The following RUNX2 variants were observed in gnomAD, a reference collection of about 807,000 sequenced individuals.
The protein encoded by RUNX2 is runt-related transcription factor 2.
Under a neutral mutation model 51.7 loss-of-function variants are expected in RUNX2, and 10 were observed. The ratio of observed to expected loss-of-function variants is 0.19; its 90% CI spans 0.12 to 0.33. The LOEUF (loss-of-function observed/expected upper bound fraction) is 0.33. RUNX2 is among the 10% of genes least tolerant of loss of function. The pLI is 1.00. For synonymous variants in RUNX2, 276 were observed against 273.6 expected (o/e 1.01, Z -0.09); for missense variants, 562 against 691.3 (o/e 0.81, Z 2.10).
At chr6:45,453,803 G>GT (rs1799244320) in intron 5 of RUNX2, among the ~76,000 whole-genome samples, 2 of 152,324 alleles carry the variant, frequency 1.3e-5, no homozygotes, top group Admixed American at 1.3e-4. Context: ...ATTTATGAAA[G>GT]TCTACATTGT....
At chr6:45,494,435 G>C (rs1427853549) in intron 6 of RUNX2, among the ~76,000 whole-genome samples, 1 of 152,166 alleles carries the variant, frequency 6.6e-6, no homozygotes, top group African/African-American at 2.4e-5. Flanking sequence ...TAGCTTCTTG[G>C]AATTTTTATG....
chr6:45,525,051 C>A lies in RUNX2; in HGVS notation c.1021+12644C>A, dbSNP rs1417524339. On this transcript the variant is annotated intron_variant, in intron 7 of 8. Transcript: ENST00000647337. Reference sequence around the variant, plus strand: ...GCTTGAACCCGGGAGGTGGAGGTTGCAGTGAGCCAAGATTGCGTAATTGCA... The same window carrying A: ...GCTTGAACCCGGGAGGTGGAGGTTGAAGTGAGCCAAGATTGCGTAATTGCA... Among the ~76,000 whole-genome samples the A allele has an allele frequency of 4.6e-5, 7 of 152,262 alleles. No homozygotes were observed. The East Asian group carries it at 1.4e-3, about 29-fold the overall frequency.
chr6:45,546,814 T>C lies in RUNX2; in HGVS notation c.1088-13T>C. On this transcript the variant is annotated splice_polypyrimidine_tract_variant and intron_variant, in intron 8 of 8. Transcript: ENST00000647337. ...TACAGATTTTTCCCTCCATCTTCTG[T>C]TATAATTTTTAGGTGCTTCAGAACT... 6.3e-7 allele frequency: 1 copy of C among 1,593,450 alleles called. No individual in the cohort carries two copies. The highest frequency in any genetic ancestry group is 8.6e-7 in the Non-Finnish European group (1 of 1,161,262).
intron 6 of RUNX2, among the ~76,000 whole-genome samples, chr6:45,505,617 A>C (rs905895611): frequency 3.9e-5 from 6 of 152,144 alleles, no homozygotes; most frequent in Non-Finnish European, 8.8e-5. Context: ...CCACAGGTTT[A>C]CATAAAGGGT....
intron 2 of RUNX2, among the ~76,000 whole-genome samples, chr6:45,350,634 A>C (rs1463366147): frequency 6.6e-6 from 1 of 152,174 alleles, no homozygotes; most frequent in African/African-American, 2.4e-5. Flanking sequence ...GCAAATAATA[A>C]TTTCTAAAAA....
At chr6:45,423,016 G>A in intron 3 of RUNX2, 59 bp downstream of exon 3, 1 of 1,585,656 alleles carries the variant, frequency 6.3e-7, no homozygotes, top group Non-Finnish European at 8.5e-7. Context: ...GCCCGCCGGT[G>A]TCTTCCTGCC....
At chr6:45,546,363 T>G (rs2150453199) in intron 8 of RUNX2, among the ~76,000 whole-genome samples, 1 of 152,340 alleles carries the variant, frequency 6.6e-6, no homozygotes, top group South Asian at 2.1e-4. Flanking sequence ...TGAAAGAGCC[T>G]ACCAAGAGTA....
chr6:45,526,416 A>T (rs1330686243), intron 7 of RUNX2, among the ~76,000 whole-genome samples: 1 of 152,202 alleles, frequency 6.6e-6, no homozygotes, highest in Non-Finnish European at 1.5e-5. Flanking sequence ...GAGAAATGAG[A>T]ACCTTATAAG....
intron 6 of RUNX2, among the ~76,000 whole-genome samples, chr6:45,506,676 G>A (rs1419581171): frequency 6.6e-6 from 1 of 152,112 alleles, no homozygotes; most frequent in Non-Finnish European, 1.5e-5. Context: ...TTGTTGTTGA[G>A]ACAAAGTCTC....
rs578019529 is a variant in RUNX2, at chr6:45,541,735, C to T, written c.1022-3482C>T. ...CCTTCCTTTTTTCTGCCCTGACCTGCCTGCTCTGCTGGGATGTGTGAATGT... is the reference window on the plus strand; with the variant it reads ...CCTTCCTTTTTTCTGCCCTGACCTGTCTGCTCTGCTGGGATGTGTGAATGT... On this transcript the variant is annotated intron_variant, in intron 7 of 8. Transcript: ENST00000647337. Among the ~76,000 whole-genome samples, 116 of 152,292 alleles carry T rather than the reference C, an allele frequency of 7.6e-4. 1 individual carries two copies. The South Asian group carries it at 0.011, about 15-fold the overall frequency.
chr6:45,414,309 C>T (rs1169146823), intron 2 of RUNX2, among the ~76,000 whole-genome samples: 1 of 152,152 alleles, frequency 6.6e-6, no homozygotes, highest in East Asian at 1.9e-4. Flanking sequence ...TGTAGCCAAG[C>T]CAACTTCACT....
chr6:45,410,119 T>C (rs1358471998), intron 2 of RUNX2, among the ~76,000 whole-genome samples: 1 of 152,182 alleles, frequency 6.6e-6, no homozygotes, highest in Non-Finnish European at 1.5e-5. Flanking sequence ...GGCCAGGACA[T>C]GAAGGGGTTT....
intron 2 of RUNX2, among the ~76,000 whole-genome samples, chr6:45,410,826 G>T (rs1302934832): frequency 6.6e-6 from 1 of 152,160 alleles, no homozygotes; most frequent in East Asian, 1.9e-4. Context: ...TTGGCATATT[G>T]GACATGCTGA....
chr6:45,367,600 A>G (rs1227916252), intron 2 of RUNX2, among the ~76,000 whole-genome samples: 1 of 152,166 alleles, frequency 6.6e-6, no homozygotes, highest in Non-Finnish European at 1.5e-5. Context: ...CCTTGTCTCA[A>G]TAGAAGGCTG....
In RUNX2 at chr6:45,460,443, A is replaced by G. The variant is rs1292511179; in HGVS notation, c.685+22392A>G. On this transcript the variant is annotated intron_variant, in intron 5 of 8. Coordinates refer to ENST00000647337, the MANE Select transcript of RUNX2 (RefSeq NM_001024630.4). Reference sequence around the variant, plus strand: ...AGTGCAAGGATAGATTCAAAAGATCATTTGTTGAAAATTAAGAGAAATGGA... The same window carrying G: ...AGTGCAAGGATAGATTCAAAAGATCGTTTGTTGAAAATTAAGAGAAATGGA... 1.3e-5 allele frequency among the ~76,000 whole-genome samples: 2 copies of G among 152,212 alleles called. 1 individual carries two copies. Among genetic ancestry groups the G allele is most frequent in the Non-Finnish European group, 2.9e-5 (2 of 68,036 alleles).
intron 7 of RUNX2, among the ~76,000 whole-genome samples, chr6:45,514,629 A>G (rs1318699946): frequency 6.6e-6 from 1 of 152,190 alleles, no homozygotes; most frequent in Admixed American, 6.5e-5. Flanking sequence ...ACAACTAGAC[A>G]TGGACTGTCA....
chr6:45,405,215 G>C (rs1336271112), intron 2 of RUNX2, among the ~76,000 whole-genome samples: 1 of 152,168 alleles, frequency 6.6e-6, no homozygotes, highest in Non-Finnish European at 1.5e-5. Context: ...TGGCAATTAA[G>C]TGTGAACTAT....
intron 2 of RUNX2, among the ~76,000 whole-genome samples, chr6:45,360,808 T>A (rs992896867): frequency 1.3e-5 from 2 of 152,204 alleles, no homozygotes; most frequent in African/African-American, 4.8e-5. Flanking sequence ...CGGGCAGAAC[T>A]ACAGACCTAA....
Position 45,412,775 on chromosome 6 carries a change from C to T in RUNX2, c.59-9818C>T, listed in dbSNP as rs542174533. ...TTTACTTATTTCTGAGACGGAGTCT[C>T]GCTCTGTCATCCAGGCTGTAGTGCA... On this transcript the variant is annotated intron_variant, in intron 2 of 8. Transcript: ENST00000647337. Among the ~76,000 whole-genome samples the T allele has an allele frequency of 2.6e-4, 40 of 151,886 alleles. No individual in the cohort carries two copies. The Middle Eastern group carries it at 0.01, about 39-fold the overall frequency.
Sources: gnomAD v4.1 joint callset for allele counts (sites outside exome capture counted in the v4.1 genomes callset) on GRCh38, gnomAD v4.1.1 for gene constraint, MANE v1.5 for transcripts, NCBI Gene and HGNC (gene_info 2026-07-23, HGNC 2026-07-21) for gene names.